KIF2A: variants seen among roughly 807,000 people sequenced by gnomAD.
KIF2A encodes the protein kinesin family member 2A, also known as kinesin-like protein KIF2A.
A neutral mutation model predicts 100.2 loss-of-function variants in KIF2A; 22 were observed. That is an observed-to-expected ratio of 0.22 (90% CI 0.16 to 0.31). The LOEUF (loss-of-function observed/expected upper bound fraction) is 0.31. KIF2A is among the 10% of genes least tolerant of loss of function. The pLI is 1.00. For synonymous variants in KIF2A, 268 were observed against 285.9 expected (o/e 0.94, Z 0.63); for missense variants, 495 against 898.7 (o/e 0.55, Z 5.74).
rs1373561930 is a variant in KIF2A, at chr5:62,338,983, T to C, written c.65-8147T>C. ...AATATGATACATTAAATCTGACTAA[T>C]ATTGTTTTCATGAATGTGGAGTAAT... On this transcript the variant is annotated intron_variant, in intron 1 of 20. Transcript: ENST00000407818. Among the ~76,000 whole-genome samples the C allele has an allele frequency of 3.3e-5, 5 of 152,212 alleles. No homozygotes were observed. The East Asian group carries it at 9.6e-4, about 29-fold the overall frequency.
In KIF2A at chr5:62,386,725, ATTG is replaced by A. The variant is rs1742044157; in HGVS notation, c.*1162_*1164del. Among the ~76,000 whole-genome samples, 1 of 152,218 alleles carries A rather than the reference ATTG, an allele frequency of 6.6e-6. No homozygotes were observed. Among genetic ancestry groups the A allele is most frequent in the South Asian group, 2.1e-4 (1 of 4,832 alleles). On this transcript the variant is annotated 3_prime_UTR_variant, in exon 21 of 21. Coordinates refer to ENST00000407818, the MANE Select transcript of KIF2A (RefSeq NM_001098511.3). ...CATCCAGTACCAAATGTGAAACTTC[ATTG>A]TTGTTTGGTGAGAATCGCCAAATTC...
intron 18 of KIF2A, among the ~76,000 whole-genome samples, chr5:62,376,979 A>G (rs1741578770): frequency 6.6e-6 from 1 of 152,156 alleles, no homozygotes; most frequent in Admixed American, 6.5e-5. Flanking sequence ...AAGGTTTCAC[A>G]TCTCTCAAAT....
chr5:62,315,394 T>C (rs1745766550), intron 1 of KIF2A, among the ~76,000 whole-genome samples: 1 of 152,180 alleles, frequency 6.6e-6, no homozygotes, highest in South Asian at 2.1e-4. Flanking sequence ...TGTCACACAT[T>C]AGTGATTCCA....
At chr5:62,308,622 C>T in intron 1 of KIF2A, 3 of 696,414 alleles carry the variant, frequency 4.3e-6, no homozygotes, top group Non-Finnish European at 7.9e-6. Flanking sequence ...TACTGTTTAC[C>T]ACAACATAGA....
At chr5:62,348,208 G>A (rs1312343579) in intron 3 of KIF2A, 41 bp downstream of exon 3, 2 of 1,607,974 alleles carry the variant, frequency 1.2e-6, no homozygotes, top group African/African-American at 2.7e-5. Flanking sequence ...CTGGGAGAGA[G>A]CGGGAGTTGT....
At chr5:62,362,636 A>G (rs1748464842) in intron 12 of KIF2A, 95 bp downstream of exon 12, 1 of 483,150 alleles carries the variant, frequency 2.1e-6, no homozygotes, top group Non-Finnish European at 3.5e-6. Flanking sequence ...GGCATTAAAT[A>G]TATTCACATT....
chr5:62,310,862 T>C (rs1261809206), intron 1 of KIF2A, among the ~76,000 whole-genome samples: 1 of 152,086 alleles, frequency 6.6e-6, no homozygotes, highest in Admixed American at 6.6e-5. Flanking sequence ...GTAGCTAGTT[T>C]GGTTTTTTTT....
chr5:62,328,787 C>T (rs541152105), intron 1 of KIF2A, among the ~76,000 whole-genome samples: 14 of 152,204 alleles, frequency 9.2e-5, no homozygotes, highest in South Asian at 6.2e-4. Flanking sequence ...CCACCGTGCC[C>T]GGCCTGATTT....
intron 1 of KIF2A, among the ~76,000 whole-genome samples, chr5:62,325,558 T>C (rs1746334888): frequency 1.3e-5 from 2 of 152,136 alleles, no homozygotes; most frequent in Non-Finnish European, 2.9e-5. Flanking sequence ...ACATCACTAA[T>C]CATTTGAGAA....
chr5:62,375,220 T>C (rs940280086), intron 18 of KIF2A, among the ~76,000 whole-genome samples: 5 of 152,194 alleles, frequency 3.3e-5, no homozygotes, highest in African/African-American at 1.2e-4. Context: ...GAGGGTTCTT[T>C]TCTGTGTGTG....
rs1429110619 is a variant in KIF2A, at chr5:62,313,777, C to A, written c.64+7241C>A. On this transcript the variant is annotated intron_variant, in intron 1 of 20. Transcript: ENST00000407818. Reference sequence around the variant, plus strand: ...ACCTATTTGAGTTATAAGTTTATAACTTTTAAATTGTTTTGGTATCAAAAG... The same window carrying A: ...ACCTATTTGAGTTATAAGTTTATAAATTTTAAATTGTTTTGGTATCAAAAG... Among the ~76,000 whole-genome samples, 3 of 151,776 alleles carry A rather than the reference C, an allele frequency of 2.0e-5. No homozygotes were observed. The East Asian group carries it at 5.9e-4, about 30-fold the overall frequency.
At chr5:62,361,364 C>A (rs192739181) in intron 10 of KIF2A, 32 bp downstream of exon 10, 1 of 1,508,364 alleles carries the variant, frequency 6.6e-7, no homozygotes, top group Non-Finnish European at 9.2e-7. Context: ...CATTCTGGTA[C>A]GAAGCTACAG....
chr5:62,308,231 T>C, intron 1 of KIF2A: 2 of 669,268 alleles, frequency 3.0e-6, no homozygotes, highest in South Asian at 2.5e-5. Context: ...ATACCTTCTT[T>C]ACTTGGGTTG....
chr5:62,385,900 C>T lies in KIF2A; in HGVS notation c.*331C>T. 3.6e-6 allele frequency: 1 copy of T among 277,064 alleles called. No individual in the cohort carries two copies. The highest frequency in any genetic ancestry group is 7.0e-6 in the Non-Finnish European group (1 of 143,348). 17.2% of individuals were successfully genotyped at this position (277,064 alleles called of 1,614,324 possible). On this transcript the variant is annotated 3_prime_UTR_variant, in exon 21 of 21. Coordinates refer to ENST00000407818, the MANE Select transcript of KIF2A (RefSeq NM_001098511.3). ...CCAGAGCCAGATAGTAGGGGGAAGC[C>T]ACAGCATTTCCTTTTAACTCAGTTC...
intron 1 of KIF2A, among the ~76,000 whole-genome samples, chr5:62,318,816 C>T (rs1338098597): frequency 1.3e-5 from 2 of 152,114 alleles, no homozygotes; most frequent in South Asian, 2.1e-4. Flanking sequence ...ATGTACTGTT[C>T]GTATATGTCA....
At chr5:62,320,401 G>A (rs1746038613) in intron 1 of KIF2A, among the ~76,000 whole-genome samples, 1 of 152,162 alleles carries the variant, frequency 6.6e-6, no homozygotes, top group African/African-American at 2.4e-5. Flanking sequence ...AGATAATTGT[G>A]TATGTGTAAT....
At chr5:62,345,794 T>C (rs1047884479) in intron 1 of KIF2A, among the ~76,000 whole-genome samples, 4 of 152,172 alleles carry the variant, frequency 2.6e-5, no homozygotes, top group African/African-American at 9.7e-5. Context: ...CTATAAATTA[T>C]CTTAAGATAA....
Position 62,385,610 on chromosome 5 carries a change from C to T in KIF2A, c.*41C>T, listed in dbSNP as rs1443755549. 4.4e-6 allele frequency: 6 copies of T among 1,366,342 alleles called. No homozygotes were observed. The highest frequency in any genetic ancestry group is 1.4e-5 in the African/African-American group (1 of 69,492). 84.6% of individuals were successfully genotyped at this position (1,366,342 alleles called of 1,614,324 possible). On this transcript the variant is annotated 3_prime_UTR_variant, in exon 21 of 21. Coordinates refer to ENST00000407818, the MANE Select transcript of KIF2A (RefSeq NM_001098511.3). The stretch of plus-strand genomic sequence containing the variant: ...TAAAGGATACCCAGAACCCTCACTA[C>T]TGTAACATACAACGGTTCAGCTGTA...
At chr5:62,321,765 C>G (rs1746100443) in intron 1 of KIF2A, among the ~76,000 whole-genome samples, 1 of 151,864 alleles carries the variant, frequency 6.6e-6, no homozygotes, top group Non-Finnish European at 1.5e-5. Flanking sequence ...CGCCACGTTT[C>G]CTAGGCTGGT....
Sources: gnomAD v4.1 joint callset for allele counts (sites outside exome capture counted in the v4.1 genomes callset) on GRCh38, gnomAD v4.1.1 for gene constraint, MANE v1.5 for transcripts, NCBI Gene and HGNC (gene_info 2026-07-23, HGNC 2026-07-21) for gene names.